The following SGCZ variants were observed in gnomAD, a reference collection of about 807,000 sequenced individuals.
The protein encoded by SGCZ is sarcoglycan zeta, also known as zeta-sarcoglycan.
A neutral mutation model predicts 41.3 loss-of-function variants in SGCZ; 40 were observed. The ratio of observed to expected loss-of-function variants is 0.97; its 90% CI spans 0.75 to 1.26. SGCZ has a LOEUF of 1.26. Among genes scored for constraint, SGCZ ranks in the 50% most tolerant of loss-of-function variants. The pLI is 0.00. For missense variants in SGCZ, 552 were observed against 369.8 expected (o/e 1.49, Z -4.04); for synonymous variants, 206 against 137.5 (o/e 1.50, Z -3.49).
intron 1 of SGCZ, among the ~76,000 whole-genome samples, chr8:15,137,549 G>A (rs1037297882): frequency 6.6e-6 from 1 of 152,152 alleles, no homozygotes; most frequent in Non-Finnish European, 1.5e-5. Context: ...TCCCTGCTGT[G>A]TGCAGCCTAG....
At chr8:14,852,844 T>C (rs1330233975) in intron 1 of SGCZ, among the ~76,000 whole-genome samples, 3 of 152,224 alleles carry the variant, frequency 2.0e-5, no homozygotes, top group Non-Finnish European at 4.4e-5. Context: ...CTTTCCTGGA[T>C]TCCTGTGGTA....
intron 1 of SGCZ, among the ~76,000 whole-genome samples, chr8:14,942,729 A>C (rs1216385362): frequency 6.6e-6 from 1 of 152,110 alleles, no homozygotes; most frequent in South Asian, 2.1e-4. Context: ...AATATATTCA[A>C]TCATGTTATA....
chr8:14,557,653 T>A (rs1034480496), intron 1 of SGCZ, among the ~76,000 whole-genome samples: 1 of 152,024 alleles, frequency 6.6e-6, no homozygotes, highest in African/African-American at 2.4e-5. Flanking sequence ...GGCTTGCCAA[T>A]TACCCCCACA....
intron 2 of SGCZ, among the ~76,000 whole-genome samples, chr8:14,546,231 C>T (rs528233916): frequency 5.9e-5 from 9 of 152,252 alleles, no homozygotes; most frequent in South Asian, 2.1e-4. Context: ...GCTGTAGTCA[C>T]GCCCTAGAAG....
chr8:14,734,298 A>C lies in SGCZ; in HGVS notation c.40-179372T>G, dbSNP rs188860107. Among the ~76,000 whole-genome samples, 163 of 152,308 alleles carry C rather than the reference A, an allele frequency of 1.1e-3. 1 individual carries two copies. Among genetic ancestry groups the C allele is most frequent in the African/African-American group, 3.8e-3 (156 of 41,586 alleles). On this transcript the variant is annotated intron_variant, in intron 1 of 7. Transcript: ENST00000382080. ...TAGGAAGAGAAAATAAGATATCTAC[A>C]AAATTGTAATAAAATAAGAACACAT... is the stretch of plus-strand genomic sequence containing the variant.
chr8:14,247,795 G>C (rs1799156686), intron 3 of SGCZ, among the ~76,000 whole-genome samples: 1 of 152,138 alleles, frequency 6.6e-6, no homozygotes, highest in African/African-American at 2.4e-5. Flanking sequence ...GCTACTGTCT[G>C]TCCAGTCAGT....
intron 1 of SGCZ, among the ~76,000 whole-genome samples, chr8:14,748,739 C>T (rs1799411763): frequency 6.8e-6 from 1 of 148,022 alleles, no homozygotes; most frequent in South Asian, 2.2e-4. Context: ...CAAAATAGTG[C>T]ATGTTGAACA....
chr8:15,123,923 G>A (rs1234246136), intron 1 of SGCZ, among the ~76,000 whole-genome samples: 1 of 151,900 alleles, frequency 6.6e-6, no homozygotes, highest in African/African-American at 2.4e-5. Context: ...GCTGAAGGTA[G>A]TCTACAAAAG....
chr8:14,493,821 A>G (rs1214068035), intron 2 of SGCZ, among the ~76,000 whole-genome samples: 1 of 152,032 alleles, frequency 6.6e-6, no homozygotes, highest in African/African-American at 2.4e-5. Flanking sequence ...CCGTAGTGGG[A>G]TTATTTTAGT....
At chr8:15,024,993 G>C (rs1193911517) in intron 1 of SGCZ, among the ~76,000 whole-genome samples, 3 of 150,940 alleles carry the variant, frequency 2.0e-5, no homozygotes, top group Non-Finnish European at 3.0e-5. Flanking sequence ...TGAAAGATGA[G>C]TTTCAAGCAA....
chr8:14,794,734 C>T lies in SGCZ; in HGVS notation c.40-239808G>A, dbSNP rs1180012286. On this transcript the variant is annotated intron_variant, in intron 1 of 7. Transcript: ENST00000382080. Reference sequence around the variant, plus strand: ...AAAATAGGCTCACGAAAAGACATAGCATTGGGAATTTTCAGAACTTGGTTA... The same window carrying T: ...AAAATAGGCTCACGAAAAGACATAGTATTGGGAATTTTCAGAACTTGGTTA... Among the ~76,000 whole-genome samples, 3 of 152,120 alleles carry T rather than the reference C, an allele frequency of 2.0e-5. No individual in the cohort carries two copies. The East Asian group carries it at 5.8e-4, about 29-fold the overall frequency.
At chr8:14,844,416 C>T (rs1277754135) in intron 1 of SGCZ, among the ~76,000 whole-genome samples, 1 of 152,154 alleles carries the variant, frequency 6.6e-6, no homozygotes, top group Non-Finnish European at 1.5e-5. Context: ...AATGAGTGTA[C>T]TTGTGTTACA....
intron 2 of SGCZ, among the ~76,000 whole-genome samples, chr8:14,432,775 G>A (rs995202000): frequency 4.6e-5 from 7 of 152,018 alleles, no homozygotes; most frequent in African/African-American, 1.7e-4. Context: ...TTAGCCAGGC[G>A]TGGTGGAGGG....
At chr8:14,278,580 T>C (rs1024463279) in intron 3 of SGCZ, among the ~76,000 whole-genome samples, 1 of 152,148 alleles carries the variant, frequency 6.6e-6, no homozygotes, top group African/African-American at 2.4e-5. Flanking sequence ...TAAAAGAAGA[T>C]AAAATATTGT....
chr8:14,370,005 T>C (rs1803853959), intron 2 of SGCZ, among the ~76,000 whole-genome samples: 1 of 151,956 alleles, frequency 6.6e-6, no homozygotes, highest in Admixed American at 6.6e-5. Flanking sequence ...CCACATCTGG[T>C]TCCTGTGTCT....
intron 1 of SGCZ, among the ~76,000 whole-genome samples, chr8:14,642,348 G>T (rs78202668): frequency 0.11 from 16,399 of 151,464 alleles, 1,050 homozygotes; most frequent in African/African-American, 0.19. Context: ...TCCTTGTTAA[G>T]TCAGAAAAAG....
chr8:14,129,020 G>A (rs1193944932), intron 5 of SGCZ, among the ~76,000 whole-genome samples: 2 of 151,938 alleles, frequency 1.3e-5, no homozygotes, highest in African/African-American at 4.8e-5. Flanking sequence ...TAAAAGCCCA[G>A]ACTTCACCAA....
At chr8:14,632,548 G>A (rs937623517) in intron 1 of SGCZ, among the ~76,000 whole-genome samples, 1 of 152,000 alleles carries the variant, frequency 6.6e-6, no homozygotes, top group Non-Finnish European at 1.5e-5. Flanking sequence ...TACATTGATA[G>A]ATAGCACTAA....
intron 1 of SGCZ, among the ~76,000 whole-genome samples, chr8:14,999,453 A>T (rs1802331462): frequency 2.0e-5 from 3 of 152,290 alleles, no homozygotes; most frequent in African/African-American, 7.2e-5. Context: ...GAGGAGGAAA[A>T]AGTTCTCCAA....
Sources: gnomAD v4.1 joint callset for allele counts (sites outside exome capture counted in the v4.1 genomes callset) on GRCh38, gnomAD v4.1.1 for gene constraint, MANE v1.5 for transcripts, NCBI Gene and HGNC (gene_info 2026-07-23, HGNC 2026-07-21) for gene names.